The following EPB41L3 variants were observed in gnomAD, a reference collection of about 807,000 sequenced individuals.
EPB41L3 encodes band 4.1-like protein 3.
A neutral mutation model predicts 127.1 loss-of-function variants in EPB41L3; 57 were observed. That is an observed-to-expected ratio of 0.45 (90% CI 0.36 to 0.56). EPB41L3 has a LOEUF of 0.56. Among genes scored for constraint, EPB41L3 ranks in the 20% least tolerant of loss-of-function variants. The pLI, the probability that EPB41L3 is intolerant of heterozygous loss-of-function variation, is 0.00. For synonymous variants in EPB41L3, 572 were observed against 549.5 expected, an observed-to-expected ratio of 1.04 and a Z score of -0.57; for missense variants, 1,273 against 1,372.2, an observed-to-expected ratio of 0.93 and a Z score of 1.14.
chr18:5,563,301 G>A (rs1477329956), intron 3 of EPB41L3, among the ~76,000 whole-genome samples: 1 of 152,156 alleles, frequency 6.6e-6, no homozygotes, highest in Non-Finnish European at 1.5e-5. Flanking sequence ...TTGTAGTCAG[G>A]GGAGCAACAC....
At chr18:5,396,405 C>A (rs2073475110) in intron 18 of EPB41L3, 73 bp from the exon 19 acceptor site, 1 of 1,578,630 alleles carries the variant, frequency 6.3e-7, no homozygotes, top group East Asian at 2.2e-5. Flanking sequence ...CTTTTCCTCT[C>A]TTGGTGGTTA....
intron 3 of EPB41L3, among the ~76,000 whole-genome samples, chr18:5,580,504 G>GT (rs1454076914): frequency 6.6e-6 from 1 of 152,002 alleles, no homozygotes. Flanking sequence ...AGGCACACAT[G>GT]TATATATACA....
chr18:5,570,847 G>A (rs2094270339), intron 3 of EPB41L3: 1 of 152,186 alleles, frequency 6.6e-6, no homozygotes, highest in Non-Finnish European at 1.5e-5. Flanking sequence ...GATGTCAGAG[G>A]TTAAGGAGCA....
At position 5,563,479 on chromosome 18, in the gene EPB41L3, T is replaced by C. The variant is rs181153733; in HGVS notation, c.-306+48861A>G. ...CAAAGAAGTTATTATCATTATTATA[T>C]GAATAAATTATTCTTAGGGCAATAA... On this transcript the variant is annotated intron_variant, in intron 3 of 21. Coordinates refer to the EPB41L3 transcript ENST00000545076. 4.4e-3 allele frequency among the ~76,000 whole-genome samples: 666 copies of C among 152,302 alleles called. 3 individuals carry two copies. Among genetic ancestry groups the C allele is most frequent in the Non-Finnish European group, 7.5e-3 (507 of 68,030 alleles).
rs952002158 is a variant in EPB41L3 at position 5,543,369 on chromosome 18, G to C, written c.-12+544C>G. ...CTGCACCCGGGACGAGCCCGCTGCCGCCGCGCGCTGAGCGCAGGGCCCCTC... is the reference window on the plus strand; with the variant it reads ...CTGCACCCGGGACGAGCCCGCTGCCCCCGCGCGCTGAGCGCAGGGCCCCTC... On this transcript the variant is annotated intron_variant, in intron 1 of 22. Transcript: ENST00000341928. This position sits in a 1 kb window ranked among gnomAD's most constrained non-coding sequence, Gnocchi z 5.2. 6 of 148,080 alleles carry C rather than the reference G, an allele frequency of 4.1e-5. No homozygotes were observed. Among genetic ancestry groups the C allele is most frequent in the Non-Finnish European group, 9.0e-5 (6 of 66,582 alleles). The allele number at this position is 148,080 out of a possible 1,614,324, so 9.2% of individuals were successfully genotyped here. A position where few individuals can be genotyped will look rare whatever the true frequency, so the allele number is the denominator to read the frequency against.
rs571580178 is a variant in EPB41L3, at chr18:5,621,584, G to GA, written c.-467-7162dup. Among the ~76,000 whole-genome samples, 72 of 151,838 alleles carry GA rather than the reference G, an allele frequency of 4.7e-4. 1 individual carries two copies. Among genetic ancestry groups the GA allele is most frequent in the Non-Finnish European group, 6.6e-4 (45 of 67,970 alleles). On this transcript the variant is annotated intron_variant, in intron 1 of 21. Transcript: ENST00000545076. The stretch of plus-strand genomic sequence containing the variant: ...CAAGACCTCATCTCTACAAAAGTAA[G>GA]AAAAAAAATAGCGAGATATGGTGGC...
intron 3 of EPB41L3, among the ~76,000 whole-genome samples, chr18:5,458,244 C>G (rs2322098): frequency 0.42 from 63,647 of 151,926 alleles, 13,756 homozygotes; most frequent in East Asian, 0.71. Context: ...ACTTTATTCC[C>G]ACAAATGAAA....
chr18:5,421,739 G>A (rs554775918), intron 11 of EPB41L3, among the ~76,000 whole-genome samples: 99 of 152,144 alleles, frequency 6.5e-4, no homozygotes, highest in Admixed American at 1.2e-3. Context: ...AATACCATAC[G>A]TTCTCATGTA....
intron 1 of EPB41L3, among the ~76,000 whole-genome samples, chr18:5,626,013 G>A (rs755029330): frequency 6.7e-6 from 1 of 149,692 alleles, no homozygotes; most frequent in Non-Finnish European, 1.5e-5. Flanking sequence ...GACTGAAATC[G>A]CACCCAATCA....
chr18:5,451,871 C>G (rs1003492552), intron 3 of EPB41L3, among the ~76,000 whole-genome samples: 3 of 152,168 alleles, frequency 2.0e-5, no homozygotes, highest in African/African-American at 7.2e-5. Context: ...CGGAGTCTCA[C>G]TCTGTTGCCC....
Position 5,396,350 on chromosome 18 carries a change from A to G in EPB41L3, c.2842-18T>C. The G allele has an allele frequency of 6.2e-7, 1 of 1,614,064 alleles. No homozygotes were observed. Among genetic ancestry groups the G allele is most frequent in the Non-Finnish European group, 8.5e-7 (1 of 1,179,968 alleles). ...GTTGAGGACTGTGCCAAAGGGGAGT[A>G]AGCAGAGTGGCTGTTATAGTTTGCA... On this transcript the variant is annotated intron_variant, in intron 18 of 22. Coordinates refer to ENST00000341928, the MANE Select transcript of EPB41L3 (RefSeq NM_012307.5).
chr18:5,581,089 T>C (rs1328363313), intron 3 of EPB41L3, among the ~76,000 whole-genome samples: 1 of 152,176 alleles, frequency 6.6e-6, no homozygotes. Context: ...AAATCAGATT[T>C]TTCTAATTTT....
chr18:5,505,955 C>T (rs2092163441), intron 1 of EPB41L3, among the ~76,000 whole-genome samples: 1 of 151,160 alleles, frequency 6.6e-6, no homozygotes, highest in Non-Finnish European at 1.5e-5. Context: ...CCCTACCATA[C>T]CTTCATCTCC....
intron 3 of EPB41L3, among the ~76,000 whole-genome samples, chr18:5,599,194 T>C (rs947986722): frequency 2.0e-5 from 3 of 152,126 alleles, no homozygotes; most frequent in African/African-American, 7.2e-5. Flanking sequence ...ATTCACATAA[T>C]GTTAGGAGAA....
chr18:5,563,079 C>T (rs896813961), intron 3 of EPB41L3, among the ~76,000 whole-genome samples: 3 of 152,184 alleles, frequency 2.0e-5, no homozygotes, highest in Non-Finnish European at 4.4e-5. Context: ...TGAGTCTTAC[C>T]AGACGGATGG....
Position 5,407,109 on chromosome 18 carries a change from C to T in EPB41L3, c.2158-141G>A, listed in dbSNP as rs1483584988. The T allele has an allele frequency of 6.0e-6, 4 of 664,222 alleles. No individual in the cohort carries two copies. In the African/African-American group the frequency reaches 7.3e-5, roughly 12 times the overall value. The allele number at this position is 664,222 out of a possible 1,614,324, so 41.1% of individuals were successfully genotyped here. On this transcript the variant is annotated intron_variant, in intron 15 of 22. Coordinates refer to ENST00000341928, the MANE Select transcript of EPB41L3 (RefSeq NM_012307.5). ...ATTTTGATCAAGGCTCATGGCACTA[C>T]CACAAACACTCTGGTGAAAATGTGA...
chr18:5,545,654 T>C (rs1177243850), upstream of EPB41L3, among the ~76,000 whole-genome samples: 4 of 152,176 alleles, frequency 2.6e-5, no homozygotes, highest in African/African-American at 9.7e-5. Context: ...CTGCAAAGAC[T>C]AGAACAGATG....
intron 1 of EPB41L3, among the ~76,000 whole-genome samples, chr18:5,506,850 T>C (rs1367711650): frequency 2.0e-5 from 3 of 152,198 alleles, no homozygotes; most frequent in African/African-American, 7.2e-5. Context: ...AACTGCTATA[T>C]CCTTAAAAAG....
chr18:5,595,219 C>G (rs1466266892), intron 3 of EPB41L3, among the ~76,000 whole-genome samples: 1 of 152,152 alleles, frequency 6.6e-6, no homozygotes, highest in African/African-American at 2.4e-5. Flanking sequence ...CCAAGAGAAT[C>G]CTTGGAGCTA....
Sources: allele counts gnomAD v4.1 joint callset (sites outside exome capture counted in the v4.1 genomes callset), GRCh38; gene constraint gnomAD v4.1.1; non-coding constraint Gnocchi (gnomAD v3.1); transcripts MANE v1.5; gene names NCBI Gene and HGNC (gene_info 2026-07-23, HGNC 2026-07-21).